The following DAPK1 variants were observed in gnomAD, a reference collection of about 807,000 sequenced individuals.
DAPK1 encodes the protein death associated protein kinase 1.
A neutral mutation model predicts 144.9 loss-of-function variants in DAPK1; 56 were observed. The ratio of observed to expected loss-of-function variants is 0.39; its 90% confidence interval spans 0.31 to 0.48. The LOEUF (loss-of-function observed/expected upper bound fraction) is 0.48. Among genes scored for constraint, DAPK1 ranks in the 20% least tolerant of loss-of-function variants. The pLI is 0.95. For synonymous variants in DAPK1, 690 were observed against 749.0 expected (o/e 0.92, Z 1.29); for missense variants, 1,454 against 1,875.4 (o/e 0.78, Z 4.15).
intron 2 of DAPK1, among the ~76,000 whole-genome samples, chr9:87,572,670 C>T (rs1261713872): frequency 1.3e-5 from 2 of 152,092 alleles, no homozygotes; most frequent in African/African-American, 2.4e-5. Context: ...CCTACTTCAC[C>T]ATCCACCAAG....
At chr9:87,614,574 A>G (rs1388468343) in intron 3 of DAPK1, among the ~76,000 whole-genome samples, 1 of 152,028 alleles carries the variant, frequency 6.6e-6, no homozygotes, top group Non-Finnish European at 1.5e-5. Context: ...CCCTGATCTC[A>G]TATCTTCTTC....
At chr9:87,689,911 G>C (rs2117950183) in intron 21 of DAPK1, among the ~76,000 whole-genome samples, 1 of 152,222 alleles carries the variant, frequency 6.6e-6, no homozygotes, top group East Asian at 1.9e-4. Context: ...CTATAGCCTT[G>C]CAGTGTATTT....
intron 17 of DAPK1, 98 bp downstream of exon 17, chr9:87,651,822 G>A (rs1051842088): frequency 1.9e-6 from 2 of 1,032,262 alleles, no homozygotes; most frequent in Non-Finnish European, 2.9e-6. Context: ...CCCAGGTCCT[G>A]ATTCTGTGTC....
intron 2 of DAPK1, among the ~76,000 whole-genome samples, chr9:87,572,208 C>A (rs1587730105): frequency 6.6e-6 from 1 of 152,152 alleles, no homozygotes; most frequent in East Asian, 1.9e-4. Flanking sequence ...TCACACTGCC[C>A]CATGCCTTTT....
At chr9:87,657,388 C>T (rs1830662985) in intron 17 of DAPK1, 1 of 154,460 alleles carries the variant, frequency 6.5e-6, no homozygotes, top group Non-Finnish European at 1.4e-5. Flanking sequence ...CCTCAAGACT[C>T]TTGGTTCCTC....
At chr9:87,638,407 G>T (rs1048011137) in intron 4 of DAPK1, among the ~76,000 whole-genome samples, 2 of 152,096 alleles carry the variant, frequency 1.3e-5, no homozygotes, top group African/African-American at 4.8e-5. Context: ...TCCTTCTGTG[G>T]CTCTGGGCAT....
chr9:87,589,712 G>C (rs575080587), intron 2 of DAPK1, among the ~76,000 whole-genome samples: 2 of 152,280 alleles, frequency 1.3e-5, no homozygotes, highest in Non-Finnish European at 2.9e-5. Context: ...AGTTCTGTCA[G>C]TGAGTATATT....
In DAPK1 at chr9:87,524,834, A is replaced by G. The variant is rs978542954; in HGVS notation, c.62+25695A>G. Reference sequence around the variant, plus strand: ...TGTTCTCACTCATAAGAGGGAGCTAAGCTATGAGGATGCAAAGGCATAAGA... The same window carrying G: ...TGTTCTCACTCATAAGAGGGAGCTAGGCTATGAGGATGCAAAGGCATAAGA... On this transcript the variant is annotated intron_variant, in intron 2 of 25. Coordinates refer to ENST00000408954, the MANE Select transcript of DAPK1 (RefSeq NM_004938.4). Among the ~76,000 whole-genome samples, 9 of 152,194 alleles carry G rather than the reference A, an allele frequency of 5.9e-5. 1 individual carries two copies. Among genetic ancestry groups the G allele is most frequent in the African/African-American group, 1.4e-4 (6 of 41,454 alleles).
chr9:87,648,923 AATGTACAGGC>A, intron 15 of DAPK1, 44 bp downstream of exon 15: 1 of 1,501,276 alleles, frequency 6.7e-7, no homozygotes, highest in Non-Finnish European at 9.3e-7. Context: ...TCTATACATG[AATGTACAGGC>A]AGCCAGATGG....
At chr9:87,671,801 A>G (rs1824171245) in intron 19 of DAPK1, among the ~76,000 whole-genome samples, 1 of 152,248 alleles carries the variant, frequency 6.6e-6, no homozygotes, top group South Asian at 2.1e-4. Context: ...GGCGTGAGCC[A>G]CTGCACCTGG....
intron 2 of DAPK1, among the ~76,000 whole-genome samples, chr9:87,551,278 G>T (rs1826473593): frequency 6.6e-6 from 1 of 152,016 alleles, no homozygotes; most frequent in African/African-American, 2.4e-5. Flanking sequence ...CTCCTGAGTA[G>T]CTGGGATTAC....
chr9:87,508,578 G>A (rs1241226629), intron 2 of DAPK1, among the ~76,000 whole-genome samples: 1 of 151,846 alleles, frequency 6.6e-6, no homozygotes, highest in Non-Finnish European at 1.5e-5. Context: ...TCCTGACCTC[G>A]TGATCCGCCC....
rs570345186 is a variant in DAPK1, at chr9:87,677,635, C to G, written c.2002-3769C>G. Among the ~76,000 whole-genome samples, 18 of 152,340 alleles carry G rather than the reference C, an allele frequency of 1.2e-4. No homozygotes were observed. In the South Asian group the frequency reaches 3.7e-3, roughly 32 times the overall value. Reference sequence around the variant, plus strand: ...TTCCCCTGGTCTCAGATGAAGCAGACTCGGGCCGGTACCAAGAATCTCTGT... The same window carrying G: ...TTCCCCTGGTCTCAGATGAAGCAGAGTCGGGCCGGTACCAAGAATCTCTGT... On this transcript the variant is annotated intron_variant, in intron 19 of 25. Transcript: ENST00000408954.
chr9:87,520,890 A>G (rs1348037637), intron 2 of DAPK1, among the ~76,000 whole-genome samples: 2 of 152,356 alleles, frequency 1.3e-5, no homozygotes, highest in Admixed American at 6.5e-5. Flanking sequence ...ATAACAAACT[A>G]TGTGCACTCT....
At chr9:87,700,268 C>A (rs376069628) in intron 24 of DAPK1, 31 bp downstream of exon 24, 17 of 1,587,632 alleles carry the variant, frequency 1.1e-5, no homozygotes, top group Non-Finnish European at 1.5e-5. Flanking sequence ...GCCTGGACCC[C>A]TTTGTACTTC....
At chr9:87,526,370 A>T (rs931337965) in intron 2 of DAPK1, among the ~76,000 whole-genome samples, 4 of 152,216 alleles carry the variant, frequency 2.6e-5, no homozygotes, top group Admixed American at 6.5e-5. Context: ...CTGTTCTTGC[A>T]GTGTCTCCTT....
intron 14 of DAPK1, among the ~76,000 whole-genome samples, chr9:87,648,220 T>G (rs1202500957): frequency 1.3e-5 from 2 of 152,388 alleles, no homozygotes; most frequent in Middle Eastern, 3.4e-3. Context: ...CTGATGATTT[T>G]CTGTGGGGTG....
chr9:87,538,248 T>A (rs1401910081), intron 2 of DAPK1, among the ~76,000 whole-genome samples: 3 of 152,222 alleles, frequency 2.0e-5, no homozygotes, highest in Non-Finnish European at 4.4e-5. Context: ...AGTCCATTTA[T>A]TCTTAAAGAA....
At chr9:87,540,051 T>A (rs982794678) in intron 2 of DAPK1, among the ~76,000 whole-genome samples, 2 of 152,032 alleles carry the variant, frequency 1.3e-5, no homozygotes, top group African/African-American at 4.8e-5. Context: ...AGAAAAAAAA[T>A]TATTTACTAA....
Sources: allele counts gnomAD v4.1 joint callset (sites outside exome capture counted in the v4.1 genomes callset), GRCh38; gene constraint gnomAD v4.1.1; transcripts MANE v1.5; gene names NCBI Gene and HGNC (gene_info 2026-07-23, HGNC 2026-07-21).